The following PCSK2 variants were observed in gnomAD, a reference collection of about 807,000 sequenced individuals.
PCSK2 encodes the protein neuroendocrine convertase 2.
Under a neutral mutation model 69.7 loss-of-function variants are expected in PCSK2, and 14 were observed. That is an observed-to-expected ratio of 0.20 (90% CI 0.13 to 0.31). The LOEUF is 0.31. PCSK2 is among the 10% of genes least tolerant of loss of function. The pLI is 1.00. For synonymous variants in PCSK2, 307 were observed against 320.7 expected (o/e 0.96, Z 0.46); for missense variants, 544 against 842.5 (o/e 0.65, Z 4.39).
upstream of PCSK2, among the ~76,000 whole-genome samples, chr20:17,226,533 AAGAGAGAG>A (rs11471406): frequency 4.1e-5 from 6 of 146,924 alleles, no homozygotes; most frequent in East Asian, 2.1e-4. Context: ...GAGAGAGAGA[AAGAGAGAG>A]AGAGAGAGAG....
chr20:17,428,347 C>G (rs951668797), intron 6 of PCSK2, among the ~76,000 whole-genome samples: 6 of 152,176 alleles, frequency 3.9e-5, no homozygotes, highest in Admixed American at 2.0e-4. Context: ...AATTTTGAGG[C>G]ATGAAATATG....
chr20:17,381,340 A>G (rs981586226), intron 5 of PCSK2, among the ~76,000 whole-genome samples: 3 of 152,234 alleles, frequency 2.0e-5, no homozygotes, highest in East Asian at 1.9e-4. Context: ...CCTCTCCACA[A>G]TGAGTGCTCT....
chr20:17,355,609 T>G (rs528396316), intron 2 of PCSK2, among the ~76,000 whole-genome samples: 1 of 151,854 alleles, frequency 6.6e-6, no homozygotes, highest in East Asian at 1.9e-4. Context: ...ACTTCAACAT[T>G]TTAAACATTC....
At chr20:17,241,794 G>C (rs1309371880) in intron 1 of PCSK2, among the ~76,000 whole-genome samples, 1 of 152,140 alleles carries the variant, frequency 6.6e-6, no homozygotes, top group African/African-American at 2.4e-5. Context: ...AACAAATCCC[G>C]TAACTTAGAA....
At chr20:17,367,741 T>A (rs1338242411) in intron 4 of PCSK2, among the ~76,000 whole-genome samples, 1 of 152,104 alleles carries the variant, frequency 6.6e-6, no homozygotes, top group Non-Finnish European at 1.5e-5. Context: ...CAAGCAATCC[T>A]CCTGCCTCAG....
chr20:17,250,591 T>C (rs1055716667), intron 1 of PCSK2, among the ~76,000 whole-genome samples: 3 of 152,232 alleles, frequency 2.0e-5, no homozygotes, highest in Non-Finnish European at 4.4e-5. Context: ...ACTATTATTA[T>C]GACATTTTCT....
At chr20:17,407,826 G>A (rs1412177820) in intron 5 of PCSK2, among the ~76,000 whole-genome samples, 1 of 152,068 alleles carries the variant, frequency 6.6e-6, no homozygotes, top group East Asian at 1.9e-4. Context: ...CCTAGATCCT[G>A]GAATAAAGGA....
chr20:17,407,573 A>G (rs1568636548), intron 5 of PCSK2, among the ~76,000 whole-genome samples: 1 of 152,106 alleles, frequency 6.6e-6, no homozygotes, highest in Middle Eastern at 3.2e-3. Flanking sequence ...TCAAAATAGT[A>G]TCTCTGAAAA....
intron 6 of PCSK2, among the ~76,000 whole-genome samples, chr20:17,429,062 A>G (rs1247626800): frequency 6.8e-6 from 1 of 146,256 alleles, no homozygotes; most frequent in Non-Finnish European, 1.5e-5. Context: ...TGGACTTTTC[A>G]TGGTTGGATC....
chr20:17,409,218 C>T (rs759579087), intron 5 of PCSK2, 45 bp from the exon 6 acceptor site: 31 of 1,442,256 alleles, frequency 2.1e-5, no homozygotes, highest in Admixed American at 1.8e-4. Context: ...CCCTTTACTG[C>T]GCCTCTGGCT....
intron 5 of PCSK2, among the ~76,000 whole-genome samples, chr20:17,395,487 T>C (rs2031490620): frequency 6.6e-6 from 1 of 152,156 alleles, no homozygotes; most frequent in Admixed American, 6.5e-5. Context: ...AGAGAATGCT[T>C]TCTGAGTCAG....
At chr20:17,424,971 G>C (rs990946013) in intron 6 of PCSK2, among the ~76,000 whole-genome samples, 4 of 151,526 alleles carry the variant, frequency 2.6e-5, no homozygotes, top group African/African-American at 7.3e-5. Flanking sequence ...GTTTTTAGTA[G>C]AGACGGGGTT....
chr20:17,448,893 CTTTTTTT>C (rs11468966), intron 8 of PCSK2, among the ~76,000 whole-genome samples: 1 of 136,462 alleles, frequency 7.3e-6, no homozygotes, highest in Non-Finnish European at 1.6e-5. Context: ...ATGCACTTGC[CTTTTTTT>C]TTTTTTTTTT....
chr20:17,447,061 T>C (rs1475459644), intron 8 of PCSK2, among the ~76,000 whole-genome samples: 1 of 151,500 alleles, frequency 6.6e-6, no homozygotes, highest in East Asian at 1.9e-4. Flanking sequence ...GGGACCAGCC[T>C]GGCCAACATG....
chr20:17,290,538 T>C (rs566017591), intron 2 of PCSK2, among the ~76,000 whole-genome samples: 91 of 152,312 alleles, frequency 6.0e-4, no homozygotes, highest in Non-Finnish European at 1.2e-3. Context: ...TGTTTACTAA[T>C]GGAAATATTA....
At chr20:17,431,992 A>G (rs1437537332) in intron 7 of PCSK2, among the ~76,000 whole-genome samples, 1 of 152,126 alleles carries the variant, frequency 6.6e-6, no homozygotes. Flanking sequence ...CGTTCGTTAC[A>G]GGTTAGGGGG....
chr20:17,268,468 G>A (rs1201110099), intron 2 of PCSK2, among the ~76,000 whole-genome samples: 1 of 152,048 alleles, frequency 6.6e-6, no homozygotes, highest in Non-Finnish European at 1.5e-5. Context: ...TAGACCTGAA[G>A]GAGATGAGGA....
intron 2 of PCSK2, among the ~76,000 whole-genome samples, chr20:17,336,785 A>C (rs1289844160): frequency 1.3e-5 from 2 of 152,214 alleles, no homozygotes; most frequent in Non-Finnish European, 1.5e-5. Flanking sequence ...AAACAGCTCC[A>C]TCCGTGTCTG....
chr20:17,230,385 G>A (rs1986102640), intron 1 of PCSK2, among the ~76,000 whole-genome samples: 1 of 152,228 alleles, frequency 6.6e-6, no homozygotes, highest in Admixed American at 6.5e-5. Context: ...GGCATCAGCT[G>A]TAATTCTCAG....
Sources: allele counts gnomAD v4.1 joint callset (sites outside exome capture counted in the v4.1 genomes callset), GRCh38; gene constraint gnomAD v4.1.1; transcripts MANE v1.5; gene names NCBI Gene and HGNC (gene_info 2026-07-23, HGNC 2026-07-21).